EPM2A: variants seen among roughly 807,000 people sequenced by gnomAD.
The protein encoded by EPM2A is EPM2A glucan phosphatase, laforin.
In EPM2A, 21 loss-of-function variants were observed where a neutral mutation model predicts 26.5. The ratio of observed to expected loss-of-function variants is 0.79; its 90% CI spans 0.56 to 1.14. The LOEUF is 1.14. Among genes scored for constraint, EPM2A ranks in the 50% most tolerant of loss-of-function variants. The probability of loss-of-function intolerance (pLI) is 0.00; values close to 1 mark genes in which losing one functional copy is unlikely to be tolerated. For missense variants in EPM2A, 458 were observed against 440.8 expected (o/e 1.04, Z -0.35); for synonymous variants, 217 against 177.6 (o/e 1.22, Z -1.76).
At chr6:145,499,870 G>C (rs756395087), downstream of EPM2A, among the ~76,000 whole-genome samples, 1 of 152,286 alleles carries the variant, frequency 6.6e-6, no homozygotes, top group East Asian at 1.9e-4. Context: ...AGTTACATTA[G>C]GGATGCCTGT....
At chr6:145,459,426 G>A (rs754899441) in intron 4 of EPM2A, among the ~76,000 whole-genome samples, 1 of 152,182 alleles carries the variant, frequency 6.6e-6, no homozygotes, top group Non-Finnish European at 1.5e-5. Flanking sequence ...AATGTAGAGA[G>A]AGGTTGTTTG....
intron 4 of EPM2A, among the ~76,000 whole-genome samples, chr6:145,476,318 C>T (rs1156439726): frequency 1.3e-5 from 2 of 151,890 alleles, no homozygotes; most frequent in African/African-American, 4.8e-5. Context: ...ATATAGGCCC[C>T]AATACAATAC....
At chr6:145,653,174 C>T (rs1778009366) in intron 2 of EPM2A, among the ~76,000 whole-genome samples, 3 of 152,176 alleles carry the variant, frequency 2.0e-5, no homozygotes, top group Admixed American at 1.3e-4. Flanking sequence ...ATAATCCCCA[C>T]CTGTTGAAGG....
intron 1 of EPM2A, among the ~76,000 whole-genome samples, chr6:145,708,615 A>G (rs1782361270): frequency 6.6e-6 from 1 of 152,194 alleles, no homozygotes; most frequent in South Asian, 2.1e-4. Flanking sequence ...CTCCACCTAG[A>G]TTTCAGAGGA....
intron 2 of EPM2A, among the ~76,000 whole-genome samples, chr6:145,648,305 C>T (rs1777633474): frequency 6.6e-6 from 1 of 152,182 alleles, no homozygotes; most frequent in Non-Finnish European, 1.5e-5. Context: ...TCATAGCAAC[C>T]TAACAGAATC....
intron 2 of EPM2A, among the ~76,000 whole-genome samples, chr6:145,555,989 C>A (rs1780723806): frequency 6.6e-6 from 1 of 152,148 alleles, no homozygotes. Flanking sequence ...TTAACCTTTT[C>A]TTTTTGCTGT....
Position 145,626,025 on chromosome 6 carries a change from A to T in EPM2A, c.*1391T>A. On this transcript the variant is annotated 3_prime_UTR_variant, in exon 4 of 4. Transcript: ENST00000367519. ...TAACCCTTCTGACCTTAGTTTCCCC[A>T]TCTTTATCATGGAGATAATGAGACC... The T allele has an allele frequency of 8.8e-7, 1 of 1,134,650 alleles. No homozygotes were observed. The highest frequency in any genetic ancestry group is 1.1e-6 in the Non-Finnish European group (1 of 882,400). 70.3% of individuals were successfully genotyped at this position (1,134,650 alleles called of 1,614,324 possible).
chr6:145,648,555 T>C (rs1345323630), intron 2 of EPM2A, among the ~76,000 whole-genome samples: 1 of 152,220 alleles, frequency 6.6e-6, no homozygotes, highest in East Asian at 1.9e-4. Context: ...TGAGTAGTAA[T>C]GACAAATGTG....
At chr6:145,498,234 C>T (rs425999), downstream of EPM2A, among the ~76,000 whole-genome samples, 1 of 151,976 alleles carries the variant, frequency 6.6e-6, no homozygotes, top group African/African-American at 2.4e-5. Context: ...GAAGGCACAA[C>T]ACTATTGCCA....
chr6:145,444,928 A>AT (rs61536586), intron 4 of EPM2A, among the ~76,000 whole-genome samples: 95,671 of 150,772 alleles, frequency 0.63, 31,781 homozygotes, highest in East Asian at 0.8. Context: ...GAAAATTTAG[A>AT]TTTTTTTTTT....
intron 2 of EPM2A, among the ~76,000 whole-genome samples, chr6:145,569,585 T>C (rs78685033): frequency 0.051 from 7,768 of 152,312 alleles, 671 homozygotes; most frequent in African/African-American, 0.17. Flanking sequence ...CCCATCTAAA[T>C]GCATTGTTTA....
chr6:145,657,264 AT>A, intron 2 of EPM2A, among the ~76,000 whole-genome samples: 1 of 151,872 alleles, frequency 6.6e-6, no homozygotes, highest in South Asian at 2.1e-4. Flanking sequence ...TAATTTTTGT[AT>A]TTTTGGTAGA....
At chr6:145,472,655 G>A (rs546440324) in intron 4 of EPM2A, among the ~76,000 whole-genome samples, 13 of 152,222 alleles carry the variant, frequency 8.5e-5, no homozygotes, top group African/African-American at 2.2e-4. Flanking sequence ...GGGTGGTGAC[G>A]GCTATGGGGT....
chr6:145,565,481 G>A (rs1288414752), intron 2 of EPM2A, among the ~76,000 whole-genome samples: 1 of 152,012 alleles, frequency 6.6e-6, no homozygotes, highest in Non-Finnish European at 1.5e-5. Flanking sequence ...CTGAAACCCT[G>A]GAAACCCTGT....
chr6:145,454,559 TA>T (rs1779236478), intron 4 of EPM2A, among the ~76,000 whole-genome samples: 1 of 152,120 alleles, frequency 6.6e-6, no homozygotes, highest in South Asian at 2.1e-4. Flanking sequence ...ACACTCCCAA[TA>T]AAAGTAAGAA....
chr6:145,628,283 A>G (rs1775979499), intron 3 of EPM2A: 1 of 154,152 alleles, frequency 6.5e-6, no homozygotes, highest in African/African-American at 2.4e-5. Context: ...ATGAATACTA[A>G]AACTGATTTA....
chr6:145,692,175 C>CT (rs1346148573), intron 1 of EPM2A, among the ~76,000 whole-genome samples: 1 of 151,976 alleles, frequency 6.6e-6, no homozygotes, highest in Non-Finnish European at 1.5e-5. Context: ...GACACAGCAA[C>CT]TTTAACTGTG....
chr6:145,396,569 GCAATGTCTGCCTTCAGGTACATA>G (rs1214283814), intron 4 of EPM2A, among the ~76,000 whole-genome samples: 2 of 83,692 alleles, frequency 2.4e-5, no homozygotes, highest in African/African-American at 6.9e-5. Flanking sequence ...CATAAACTTT[GCAATGTCTGCCTTCAGGTACATA>G]AACTTTGCAA....
At chr6:145,453,696 A>T (rs925204022) in intron 4 of EPM2A, among the ~76,000 whole-genome samples, 1 of 152,158 alleles carries the variant, frequency 6.6e-6, no homozygotes, top group African/African-American at 2.4e-5. Flanking sequence ...GCAGACCAAA[A>T]AGTACTTAAT....
Sources: gnomAD v4.1 joint callset for allele counts (sites outside exome capture counted in the v4.1 genomes callset) on GRCh38, gnomAD v4.1.1 for gene constraint, MANE v1.5 for transcripts, NCBI Gene and HGNC (gene_info 2026-07-23, HGNC 2026-07-21) for gene names.